GRM4: variants seen among roughly 807,000 people sequenced by gnomAD.
GRM4 encodes glutamate metabotropic receptor 4, also known as metabotropic glutamate receptor 4.
Under a neutral mutation model 81.7 loss-of-function variants are expected in GRM4, and 28 were observed. The observed-to-expected ratio is 0.34, with a 90% CI of 0.25 to 0.47. GRM4 has a LOEUF of 0.47. Ranked by LOEUF, GRM4 falls within the 20% of genes least tolerant of loss-of-function variation. The probability of loss-of-function intolerance (pLI) is 1.00; values close to 1 mark genes in which losing one functional copy is unlikely to be tolerated. For synonymous variants in GRM4, 488 were observed against 528.8 expected (o/e 0.92, Z 1.06); for missense variants, 948 against 1,290.0 (o/e 0.73, Z 4.06).
chr6:34,133,417 A>T lies in GRM4; in HGVS notation c.80T>A (p.Met27Lys). Residue 27 changes from methionine to lysine, a missense_variant, in exon 2 of 11, where the codon ATG becomes AAG. Coordinates refer to ENST00000538487, the MANE Select transcript of GRM4 (RefSeq NM_000841.4). This position sits in a 1 kb window ranked among gnomAD's most constrained non-coding sequence, Gnocchi z 6.5. Reference sequence around the variant, plus strand: ...TTTGGGCTTTCCCAGGGAGGAAGGCATCCAGGGGCCGTAAAGGCTGAGGAG... The same window carrying T: ...TTTGGGCTTTCCCAGGGAGGAAGGCTTCCAGGGGCCGTAAAGGCTGAGGAG... ...CLLLSLYGPWMPSSLGKPKGH... is the reference protein window; with the variant it reads ...CLLLSLYGPWKPSSLGKPKGH... The T allele has an allele frequency of 6.2e-7, 1 of 1,613,084 alleles. No homozygotes were observed. Among genetic ancestry groups the T allele is most frequent in the Non-Finnish European group, 8.5e-7 (1 of 1,179,778 alleles).
At chr6:34,127,690 C>T (rs900616864) in intron 2 of GRM4, among the ~76,000 whole-genome samples, 2 of 152,048 alleles carry the variant, frequency 1.3e-5, no homozygotes, top group African/African-American at 4.8e-5. Flanking sequence ...GGGATGGAGG[C>T]CGTGAGGAGT....
At chr6:34,091,840 C>T (rs766295475) in intron 3 of GRM4, 43 bp downstream of exon 3, 1 of 1,426,412 alleles carries the variant, frequency 7.0e-7, no homozygotes, top group Non-Finnish European at 9.8e-7. Context: ...TGCCGGGACA[C>T]CCCCGAGCCT....
intron 2 of GRM4, chr6:34,100,023 A>G: frequency 1.0e-6 from 1 of 979,516 alleles, no homozygotes; most frequent in Non-Finnish European, 1.2e-6. Context: ...CATTAATCAG[A>G]TCTATTCCTC....
chr6:34,057,082 G>T (rs963001370), intron 5 of GRM4, among the ~76,000 whole-genome samples: 1 of 152,124 alleles, frequency 6.6e-6, no homozygotes, highest in Non-Finnish European at 1.5e-5. Context: ...GCCAGACAAG[G>T]AGGGAGGGAA....
intron 3 of GRM4, among the ~76,000 whole-genome samples, chr6:34,072,650 C>G (rs943470840): frequency 1.4e-5 from 2 of 146,374 alleles, no homozygotes; most frequent in African/African-American, 5.1e-5. Context: ...CACACACACA[C>G]ATCACCACAT....
In GRM4 at chr6:34,090,824, A is replaced by G. The variant is rs767634854; in HGVS notation, c.736+1059T>C. 3.1e-4 allele frequency among the ~76,000 whole-genome samples: 47 copies of G among 152,140 alleles called. No individual in the cohort carries two copies. Among genetic ancestry groups the G allele is most frequent in the Admixed American group, 9.2e-4 (14 of 15,282 alleles). The stretch of plus-strand genomic sequence containing the variant: ...CCTGAGGCCATGAGGGTATAAATAT[A>G]CAGACGCCATCACCCAAGGTCTCGG... On this transcript the variant is annotated intron_variant, in intron 3 of 10. Coordinates refer to ENST00000538487, the MANE Select transcript of GRM4 (RefSeq NM_000841.4). The surrounding 1 kb of genome is among the most constrained non-coding windows in gnomAD (Gnocchi z 5.2).
rs978657477 is a variant in GRM4 at position 34,032,355 on chromosome 6, G to A, written c.2442+3313C>T. 5.9e-5 allele frequency among the ~76,000 whole-genome samples: 9 copies of A among 152,218 alleles called. No homozygotes were observed. The East Asian group carries it at 7.7e-4, about 13-fold the overall frequency. On this transcript the variant is annotated intron_variant, in intron 9 of 10. Transcript: ENST00000538487. ...CAACTCCTGACAACAGCCACACCCCGCTTGATCTACATGCAAACACACACA... is the reference window on the plus strand; with the variant it reads ...CAACTCCTGACAACAGCCACACCCCACTTGATCTACATGCAAACACACACA...
At position 34,036,735 on chromosome 6, in the gene GRM4, C is replaced by T. The variant is rs139537773; in HGVS notation, c.1507-132G>A. On this transcript the variant is annotated intron_variant, in intron 8 of 10. Coordinates refer to ENST00000538487, the MANE Select transcript of GRM4 (RefSeq NM_000841.4). The surrounding 1 kb of genome is among the most constrained non-coding windows in gnomAD (Gnocchi z 9.0). ...CTAGTTGGCTAAAAGTCCAGCTGCC[C>T]GGACCCCACAGGGACTTACTGAATC... 1.1e-3 allele frequency: 636 copies of T among 596,870 alleles called. 4 individuals are homozygous for T. In the East Asian group the frequency reaches 0.017, roughly 16 times the overall value. 37.0% of individuals were successfully genotyped at this position (596,870 alleles called of 1,614,324 possible).
chr6:34,090,476 C>T lies in GRM4; in HGVS notation c.736+1407G>A, dbSNP rs551919355. Among the ~76,000 whole-genome samples the T allele has an allele frequency of 3.3e-5, 5 of 152,146 alleles. No individual in the cohort carries two copies. The South Asian group carries it at 8.3e-4, about 25-fold the overall frequency. ...AAGGGAGGGGCTGGGCTCTGGGGCT[C>T]GGAGGCTCTGACACTGTCCGCCAGG... On this transcript the variant is annotated intron_variant, in intron 3 of 10. Transcript: ENST00000538487. The surrounding 1 kb of genome is among the most constrained non-coding windows in gnomAD (Gnocchi z 5.2).
intron 9 of GRM4, among the ~76,000 whole-genome samples, chr6:34,032,244 C>T (rs1484350818): frequency 6.6e-6 from 1 of 152,194 alleles, no homozygotes; most frequent in African/African-American, 2.4e-5. Context: ...CACCTGTGCA[C>T]ACACACCACA....
At chr6:34,081,860 G>A (rs114012412) in intron 3 of GRM4, among the ~76,000 whole-genome samples, 2,148 of 152,308 alleles carry the variant, frequency 0.014, 13 homozygotes, top group Non-Finnish European at 0.022. Flanking sequence ...GGAGTGCCAG[G>A]AACCCCACCC....
intron 3 of GRM4, among the ~76,000 whole-genome samples, chr6:34,067,553 C>A (rs907871461): frequency 1.3e-5 from 2 of 149,062 alleles, no homozygotes; most frequent in Admixed American, 6.7e-5. Context: ...TCCCTCTGTC[C>A]CTTCCTCCCT....
At chr6:34,049,846 C>T (rs1189378272) in intron 6 of GRM4, among the ~76,000 whole-genome samples, 1 of 152,100 alleles carries the variant, frequency 6.6e-6, no homozygotes, top group Non-Finnish European at 1.5e-5. Flanking sequence ...CCGCCCCAGG[C>T]CCATCATCCC....
intron 2 of GRM4, among the ~76,000 whole-genome samples, chr6:34,104,323 G>C (rs1031271017): frequency 3.9e-5 from 6 of 152,332 alleles, no homozygotes; most frequent in South Asian, 2.1e-4. Context: ...TTGCCAGTGG[G>C]CAGGAGGCGG....
intron 3 of GRM4, among the ~76,000 whole-genome samples, chr6:34,075,373 G>C (rs1463836069): frequency 6.6e-6 from 1 of 152,206 alleles, no homozygotes; most frequent in Non-Finnish European, 1.5e-5. Flanking sequence ...AACTCAGCCA[G>C]AACGTTCCCC....
chr6:34,044,057 T>C (rs78021705), intron 6 of GRM4, among the ~76,000 whole-genome samples: 9,505 of 150,910 alleles, frequency 0.063, 463 homozygotes, highest in African/African-American at 0.13. Context: ...TAGACATACA[T>C]ACATACACAT....
chr6:34,067,474 C>T (rs1356471103), intron 3 of GRM4, among the ~76,000 whole-genome samples: 1 of 139,896 alleles, frequency 7.1e-6, no homozygotes, highest in African/African-American at 2.9e-5. Context: ...CCTTCCCTCC[C>T]TCCCTCTCTT....
Position 34,102,252 on chromosome 6 carries a change from G to A in GRM4, c.520-10153C>T. On this transcript the variant is annotated intron_variant, in intron 2 of 10. Transcript: ENST00000538487. ...AGCCCCTGCCAAGTGCTAATAAAAT[G>A]CCCTTTACAGCTCAGCTCAGAGCAG... is the stretch of plus-strand genomic sequence containing the variant. 11 of 1,011,168 alleles carry A rather than the reference G, an allele frequency of 1.1e-5. 1 individual carries two copies. In the South Asian group the frequency reaches 1.5e-4, roughly 14 times the overall value. 62.6% of individuals were successfully genotyped at this position (1,011,168 alleles called of 1,614,324 possible).
chr6:34,123,803 G>C (rs1386445402), intron 2 of GRM4, among the ~76,000 whole-genome samples: 2 of 152,226 alleles, frequency 1.3e-5, no homozygotes, highest in African/African-American at 4.8e-5. Context: ...GCTGGCCCCA[G>C]GGTCCATGCG....
Sources: gnomAD v4.1 joint callset for allele counts (sites outside exome capture counted in the v4.1 genomes callset) on GRCh38, gnomAD v4.1.1 for gene constraint, Gnocchi (gnomAD v3.1) non-coding constraint, MANE v1.5 for transcripts, NCBI Gene and HGNC (gene_info 2026-07-23, HGNC 2026-07-21) for gene names.